Variants in CDH12 observed in about 807,000 individuals in gnomAD.
The protein encoded by CDH12 is cadherin-12.
Under a neutral mutation model 74.1 loss-of-function variants are expected in CDH12, and 41 were observed. The ratio of observed to expected loss-of-function variants is 0.55; its 90% CI spans 0.43 to 0.72. The LOEUF is 0.72. Ranked by LOEUF, CDH12 falls within the 30% of genes least tolerant of loss-of-function variation. The pLI is 0.00. For missense variants in CDH12, 945 were observed against 977.2 expected, an observed-to-expected ratio of 0.97 and a Z score of 0.44; for synonymous variants, 399 against 355.0, an observed-to-expected ratio of 1.12 and a Z score of -1.39.
At chr5:22,406,823 C>A (rs1013486317) in intron 2 of CDH12, among the ~76,000 whole-genome samples, 7 of 151,910 alleles carry the variant, frequency 4.6e-5, no homozygotes, top group African/African-American at 1.7e-4. Context: ...ATATGGGGAA[C>A]AATATGCATC....
intron 1 of CDH12, among the ~76,000 whole-genome samples, chr5:22,829,441 G>A (rs116421571): frequency 0.016 from 2,417 of 152,232 alleles, 31 homozygotes; most frequent in Non-Finnish European, 0.023. Context: ...ATACTGAAAG[G>A]ATTTGATGGA....
intron 1 of CDH12, among the ~76,000 whole-genome samples, chr5:22,681,774 C>T (rs767567570): frequency 1.2e-4 from 18 of 151,954 alleles, no homozygotes; most frequent in East Asian, 3.9e-4. Flanking sequence ...TAATTTCTTA[C>T]GCTAGGTTTC....
intron 1 of CDH12, among the ~76,000 whole-genome samples, chr5:22,512,862 G>C (rs533388000): frequency 3.0e-4 from 46 of 152,070 alleles, no homozygotes; most frequent in Non-Finnish European, 5.0e-4. Context: ...CGGAGTTCAA[G>C]ACTAGCCTGG....
Position 22,577,528 on chromosome 5 carries a change from T to C in CDH12, c.-522-72164A>G, listed in dbSNP as rs192762038. ...CTAATAACTTCCTACATCATAGAAA[T>C]AAGCCTGAAGCTGTTCCAGAATGTG... On this transcript the variant is annotated intron_variant, in intron 1 of 14. Coordinates refer to ENST00000382254, the MANE Select transcript of CDH12 (RefSeq NM_004061.5). Among the ~76,000 whole-genome samples the C allele has an allele frequency of 1.2e-3, 187 of 152,238 alleles. 2 individuals are homozygous for C. The highest frequency in any genetic ancestry group is 0.011 in the Admixed American group (175 of 15,284).
rs181392404 is a variant in CDH12, at chr5:22,529,377, T to G, written c.-522-24013A>C. On this transcript the variant is annotated intron_variant, in intron 1 of 14. Coordinates refer to ENST00000382254, the MANE Select transcript of CDH12 (RefSeq NM_004061.5). ...TAAGCCCTGAGAATTGGGAGAGAAA[T>G]GATGCAGTCTCAGCCTAAATTCTGA... 2.9e-4 allele frequency among the ~76,000 whole-genome samples: 44 copies of G among 151,646 alleles called. No homozygotes were observed. The East Asian group carries it at 3.1e-3, about 11-fold the overall frequency.
intron 11 of CDH12, among the ~76,000 whole-genome samples, chr5:21,780,526 C>T (rs909933928): frequency 6.6e-6 from 1 of 152,168 alleles, no homozygotes; most frequent in Non-Finnish European, 1.5e-5. Context: ...GCACACAAGC[C>T]TATTATGCCT....
At chr5:22,591,841 T>A (rs183435669) in intron 1 of CDH12, among the ~76,000 whole-genome samples, 55 of 152,344 alleles carry the variant, frequency 3.6e-4, no homozygotes, top group African/African-American at 1.2e-3. Context: ...ATGTTGGCAT[T>A]ACATTTTCTT....
At chr5:22,436,054 G>A (rs1433532689) in intron 2 of CDH12, among the ~76,000 whole-genome samples, 1 of 151,636 alleles carries the variant, frequency 6.6e-6, no homozygotes, top group Non-Finnish European at 1.5e-5. Context: ...TTAAGAAAAT[G>A]TGGCACATAA....
intron 11 of CDH12, among the ~76,000 whole-genome samples, chr5:21,777,637 C>A (rs113982368): frequency 1.3e-5 from 2 of 151,774 alleles, no homozygotes; most frequent in Non-Finnish European, 2.9e-5. Context: ...ATTATAGGCG[C>A]CCGCCACAAT....
chr5:22,154,304 G>C (rs1298711330), intron 4 of CDH12, among the ~76,000 whole-genome samples: 9 of 151,198 alleles, frequency 6.0e-5, no homozygotes, highest in Admixed American at 1.3e-4. Context: ...ACTAACTATA[G>C]TCACCATGCT....
chr5:22,542,729 A>T (rs1738162256), intron 1 of CDH12, among the ~76,000 whole-genome samples: 1 of 152,120 alleles, frequency 6.6e-6, no homozygotes, highest in Non-Finnish European at 1.5e-5. Flanking sequence ...AATTCTAAAA[A>T]TAGTACACTT....
chr5:22,822,303 A>G (rs1438573981), intron 1 of CDH12, among the ~76,000 whole-genome samples: 1 of 152,190 alleles, frequency 6.6e-6, no homozygotes, highest in Non-Finnish European at 1.5e-5. Flanking sequence ...AGGCAATACC[A>G]TTCAGGACAT....
At chr5:22,347,639 G>C (rs1740174895) in intron 3 of CDH12, among the ~76,000 whole-genome samples, 6 of 152,044 alleles carry the variant, frequency 3.9e-5, no homozygotes, top group Admixed American at 3.9e-4. Flanking sequence ...TTTAAGTTCT[G>C]TCCCTCTAAA....
chr5:22,539,873 T>C (rs927189707), intron 1 of CDH12, among the ~76,000 whole-genome samples: 14 of 152,194 alleles, frequency 9.2e-5, no homozygotes, highest in Admixed American at 6.5e-4. Flanking sequence ...TTTCAAATGA[T>C]TTTATGATGT....
At chr5:21,905,963 G>T (rs1387298614) in intron 6 of CDH12, among the ~76,000 whole-genome samples, 2 of 152,008 alleles carry the variant, frequency 1.3e-5, no homozygotes, top group Admixed American at 1.3e-4. Flanking sequence ...TTAATAGTAA[G>T]TGCTCAATAC....
chr5:22,086,117 T>A (rs1743050639), intron 4 of CDH12, among the ~76,000 whole-genome samples: 1 of 152,090 alleles, frequency 6.6e-6, no homozygotes, highest in Non-Finnish European at 1.5e-5. Context: ...CACTCTTTTG[T>A]TTTATAGACT....
intron 1 of CDH12, among the ~76,000 whole-genome samples, chr5:22,714,622 C>A (rs1263332007): frequency 6.6e-6 from 1 of 152,146 alleles, no homozygotes; most frequent in East Asian, 1.9e-4. Context: ...TGGGATAATT[C>A]ATAAATATTC....
chr5:22,816,484 TC>T (rs1236243555), intron 1 of CDH12, among the ~76,000 whole-genome samples: 1 of 152,148 alleles, frequency 6.6e-6, no homozygotes, highest in Non-Finnish European at 1.5e-5. Context: ...TCAGCAAGCA[TC>T]CCAGTAAAGA....
chr5:22,383,291 GA>G (rs1231935960), intron 3 of CDH12, among the ~76,000 whole-genome samples: 61 of 152,230 alleles, frequency 4.0e-4, no homozygotes, highest in African/African-American at 1.3e-3. Context: ...AAGAATTAGG[GA>G]AATATCATTA....
Sources: allele counts gnomAD v4.1 joint callset (sites outside exome capture counted in the v4.1 genomes callset), GRCh38; gene constraint gnomAD v4.1.1; transcripts MANE v1.5; gene names NCBI Gene and HGNC (gene_info 2026-07-23, HGNC 2026-07-21).